The following SLC5A3 variants were observed in gnomAD, a reference collection of about 807,000 sequenced individuals.
SLC5A3 encodes solute carrier family 5 member 3, also known as sodium/myo-inositol cotransporter.
SLC5A3 carries 10 observed loss-of-function variants against 43.2 expected under a neutral mutation model. That is an observed-to-expected ratio of 0.23 (90% CI 0.14 to 0.39). The LOEUF is 0.39. SLC5A3 is among the 10% of genes least tolerant of loss of function. The pLI, the probability that SLC5A3 is intolerant of heterozygous loss-of-function variation, is 1.00. For synonymous variants in SLC5A3, 349 were observed against 322.0 expected (o/e 1.08, Z -0.90); for missense variants, 608 against 893.4 (o/e 0.68, Z 4.07).
intron 1 of SLC5A3, among the ~76,000 whole-genome samples, chr21:34,088,998 A>G (rs1348909837): frequency 6.6e-6 from 1 of 152,086 alleles, no homozygotes; most frequent in Non-Finnish European, 1.5e-5. Context: ...TTAAGATTAC[A>G]TAGTAATAGG....
chr21:34,074,061 C>T (rs1989259154), intron 1 of SLC5A3, among the ~76,000 whole-genome samples: 1 of 145,128 alleles, frequency 6.9e-6, no homozygotes, highest in Admixed American at 6.8e-5. Flanking sequence ...CGGCGCCGGC[C>T]CGCGGGAGTC....
chr21:34,101,376 A>G lies in SLC5A3; in HGVS notation c.*4021A>G, dbSNP rs1325617517. ...ATTATAAAGTACGAAGTTTGTTACC[A>G]CAGTAGAGATAATTTAGTAGAAAAA... On this transcript the variant is annotated 3_prime_UTR_variant, in exon 2 of 2. Transcript: ENST00000381151. 1 of 1,000,068 alleles carries G rather than the reference A, an allele frequency of 1.0e-6. No homozygotes were observed. Among genetic ancestry groups the G allele is most frequent in the African/African-American group, 1.7e-5 (1 of 57,234 alleles). The allele number at this position is 1,000,068 out of a possible 1,614,324, so 61.9% of individuals were successfully genotyped here.
rs1209616997 is a variant in SLC5A3, at chr21:34,097,119, G to A, written c.1921G>A (p.Glu641Lys). ...YSNGQAALMG[E>K]KERKKETDDG... Reference sequence around the variant, plus strand: ...CAATGGGCAAGCAGCTCTCATGGGTGAGAAAGAGAGAAAGAAAGAAACGGA... The same window carrying A: ...CAATGGGCAAGCAGCTCTCATGGGTAAGAAAGAGAGAAAGAAAGAAACGGA... Residue 641 changes from glutamate (E) to lysine (K), a missense_variant, in exon 2 of 2, where the codon GAG (glutamate) becomes AAG (lysine). By Grantham distance (56) the Glu-to-Lys change is moderately conservative. Coordinates refer to ENST00000381151, the MANE Select transcript of SLC5A3 (RefSeq NM_006933.7). 6.2e-7 allele frequency: 1 copy of A among 1,614,004 alleles called. No homozygotes were observed. The highest frequency in any genetic ancestry group is 8.5e-7 in the Non-Finnish European group (1 of 1,179,940).
chr21:34,097,348 C>T lies in SLC5A3; in HGVS notation c.2150C>T (p.Ser717Phe), dbSNP rs1569417271. 2 of 1,598,628 alleles carry T rather than the reference C, an allele frequency of 1.3e-6. No homozygotes were observed. Among genetic ancestry groups the T allele is most frequent in the South Asian group, 1.1e-5 (1 of 88,190 alleles). ...GGAATTTTCATGTTTGTTTATTTCT[C>T]CTTATGAACTTAAGGATATGGTGAG... ...SLGIFMFVYF[S>F]L Residue 717 changes from serine to phenylalanine, a missense_variant, in exon 2 of 2, where the codon TCC (serine) becomes TTC (phenylalanine). This residue lies in a region of SLC5A3 where 210 missense variants were observed against 224.8 expected (regional missense o/e 0.93). Transcript: ENST00000381151.
intron 1 of SLC5A3, among the ~76,000 whole-genome samples, chr21:34,075,777 C>G (rs1023008268): frequency 1.3e-5 from 2 of 152,152 alleles, no homozygotes; most frequent in African/African-American, 2.4e-5. Context: ...ACAAAGACTT[C>G]CAGGTTTTAG....
chr21:34,077,220 A>G (rs1187210652), intron 1 of SLC5A3, among the ~76,000 whole-genome samples: 5 of 152,262 alleles, frequency 3.3e-5, no homozygotes, highest in Admixed American at 1.3e-4. Flanking sequence ...TGAAGTGCCA[A>G]TACATGAATG....
rs1269632166 is a variant in SLC5A3 at position 34,098,763 on chromosome 21, AG to A, written c.*1411del. On this transcript the variant is annotated 3_prime_UTR_variant, in exon 2 of 2. Coordinates refer to ENST00000381151, the MANE Select transcript of SLC5A3 (RefSeq NM_006933.7). ...GCACCCACTTGCAGCTAGTGGGTAC[AG>A]GGTACAAAAGATGTTAGAGAAAAGC... is the stretch of plus-strand genomic sequence containing the variant. 21 of 1,000,300 alleles carry A rather than the reference AG, an allele frequency of 2.1e-5. No homozygotes were observed. Among genetic ancestry groups the A allele is most frequent in the Non-Finnish European group, 2.5e-5 (21 of 830,006 alleles). The allele number at this position is 1,000,300 out of a possible 1,614,324, so 62.0% of individuals were successfully genotyped here.
Position 34,098,155 on chromosome 21 carries a change from G to T in SLC5A3, c.*800G>T. ...CCCCATATTTATTGATCATATTAAG[G>T]TTGTTTATATAGTTTGGAAATGACC... is the stretch of plus-strand genomic sequence containing the variant. On this transcript the variant is annotated 3_prime_UTR_variant, in exon 2 of 2. Coordinates refer to ENST00000381151, the MANE Select transcript of SLC5A3 (RefSeq NM_006933.7). 1 of 1,000,010 alleles carries T rather than the reference G, an allele frequency of 1.0e-6. No individual in the cohort carries two copies. Among genetic ancestry groups the T allele is most frequent in the Non-Finnish European group, 1.2e-6 (1 of 829,928 alleles). 61.9% of individuals were successfully genotyped at this position (1,000,010 alleles called of 1,614,324 possible). A position where few individuals can be genotyped will look rare whatever the true frequency, so the allele number is the denominator to read the frequency against.
Position 34,105,923 on chromosome 21 carries a change from T to G in SLC5A3, c.*8568T>G. 1.0e-6 allele frequency: 1 copy of G among 988,710 alleles called. No individual in the cohort carries two copies. Among genetic ancestry groups the G allele is most frequent in the Non-Finnish European group, 1.2e-6 (1 of 819,448 alleles). The allele number at this position is 988,710 out of a possible 1,614,324, so 61.2% of individuals were successfully genotyped here. A position where few individuals can be genotyped will look rare whatever the true frequency, so the allele number is the denominator to read the frequency against. ...ATTCTAACTTGTCTATTCTAACCTA[T>G]TGTGTACAATCTGATTTTTTAAAAT... On this transcript the variant is annotated 3_prime_UTR_variant, in exon 2 of 2. Transcript: ENST00000381151.
In SLC5A3 at chr21:34,103,590, C is replaced by T. The variant is rs903562383; in HGVS notation, c.*6235C>T. The T allele has an allele frequency of 1.4e-4, 145 of 1,000,046 alleles. No individual in the cohort carries two copies. The highest frequency in any genetic ancestry group is 1.7e-4 in the Non-Finnish European group (142 of 829,926). 61.9% of individuals were successfully genotyped at this position (1,000,046 alleles called of 1,614,324 possible). ...TAGAAAGCACAAAATCGTGTTCACA[C>T]ATTAGTGTACCCACACATAGAAAGC... On this transcript the variant is annotated 3_prime_UTR_variant, in exon 2 of 2. Transcript: ENST00000381151.
At position 34,101,692 on chromosome 21, in the gene SLC5A3, G is replaced by A. The variant is rs964142913; in HGVS notation, c.*4337G>A. The A allele has an allele frequency of 2.3e-5, 23 of 999,832 alleles. No individual in the cohort carries two copies. The East Asian group carries it at 2.6e-3, about 113-fold the overall frequency. The allele number at this position is 999,832 out of a possible 1,614,324, so 61.9% of individuals were successfully genotyped here. A position where few individuals can be genotyped will look rare whatever the true frequency, so the allele number is the denominator to read the frequency against. Reference sequence around the variant, plus strand: ...TATTGGCATGGTGTGTGAAAGTGATGTTTTGCCCCAGTATTGAGGACTTTT... The same window carrying A: ...TATTGGCATGGTGTGTGAAAGTGATATTTTGCCCCAGTATTGAGGACTTTT... On this transcript the variant is annotated 3_prime_UTR_variant, in exon 2 of 2. Coordinates refer to ENST00000381151, the MANE Select transcript of SLC5A3 (RefSeq NM_006933.7).
Position 34,095,522 on chromosome 21 carries a change from C to G in SLC5A3, c.324C>G (p.Thr108=), listed in dbSNP as rs746867702. 1 of 1,613,822 alleles carries G rather than the reference C, an allele frequency of 6.2e-7. No homozygotes were observed. ...IPIYIRSGVY[T]MPEYLSKRFG... ...TTTACATCCGGTCAGGGGTATATAC[C>G]ATGCCTGAATACTTGTCCAAGCGAT... Residue 108 remains threonine, a synonymous_variant, in exon 2 of 2, where the codon ACC becomes ACG. Coordinates refer to ENST00000381151, the MANE Select transcript of SLC5A3 (RefSeq NM_006933.7).
Position 34,097,403 on chromosome 21 carries a change from T to C in SLC5A3, c.*48T>C, listed in dbSNP as rs745781668. 59 of 1,368,574 alleles carry C rather than the reference T, an allele frequency of 4.3e-5. No individual in the cohort carries two copies. The highest frequency in any genetic ancestry group is 5.4e-5 in the Non-Finnish European group (58 of 1,069,148). The allele number at this position is 1,368,574 out of a possible 1,614,324, so 84.8% of individuals were successfully genotyped here. A position where few individuals can be genotyped will look rare whatever the true frequency, so the allele number is the denominator to read the frequency against. Reference sequence around the variant, plus strand: ...TAACTTAAGACAATACTGACTGGTCTTTGGGGAAAAAAGTTATGTAACTGT... The same window carrying C: ...TAACTTAAGACAATACTGACTGGTCCTTGGGGAAAAAAGTTATGTAACTGT... On this transcript the variant is annotated 3_prime_UTR_variant, in exon 2 of 2. Transcript: ENST00000381151.
chr21:34,092,358 G>GA (rs1467522839), intron 1 of SLC5A3, among the ~76,000 whole-genome samples: 1 of 262 alleles, frequency 3.8e-3, no homozygotes, highest in East Asian at 0.12. Flanking sequence ...GTTTAAGTTG[G>GA]AAAAATCTAG....
chr21:34,088,415 T>C (rs1263301707), intron 1 of SLC5A3, among the ~76,000 whole-genome samples: 1 of 152,214 alleles, frequency 6.6e-6, no homozygotes, highest in East Asian at 1.9e-4. Context: ...CTTTTTACTT[T>C]TAATCTCTGC....
In SLC5A3 at chr21:34,100,506, C is replaced by A; in HGVS notation, c.*3151C>A. On this transcript the variant is annotated 3_prime_UTR_variant, in exon 2 of 2. Transcript: ENST00000381151. ...GTCCTTCGGCCTAAATTCAATAGAT[C>A]TCATCTCCTAGGGCTTCCTTTTCAC... is the stretch of plus-strand genomic sequence containing the variant. 1.0e-6 allele frequency: 1 copy of A among 1,000,236 alleles called. No individual in the cohort carries two copies. Among genetic ancestry groups the A allele is most frequent in the Non-Finnish European group, 1.2e-6 (1 of 829,976 alleles). 62.0% of individuals were successfully genotyped at this position (1,000,236 alleles called of 1,614,324 possible). A position where few individuals can be genotyped will look rare whatever the true frequency, so the allele number is the denominator to read the frequency against.
intron 1 of SLC5A3, among the ~76,000 whole-genome samples, chr21:34,084,862 C>A (rs773696430): frequency 2.0e-4 from 30 of 152,130 alleles, no homozygotes; most frequent in Non-Finnish European, 4.4e-4. Context: ...AAGAGCAGTT[C>A]ATTTAACACT....
rs1355197506 is a variant in SLC5A3, at chr21:34,095,000, A to T, written c.-199A>T. The stretch of plus-strand genomic sequence containing the variant: ...CTCAATCCCAATTAAGAAGCGGAAA[A>T]TTTAAACTGTCTTCTTCAAAGTTTA... On this transcript the variant is annotated 5_prime_UTR_variant, in exon 2 of 2. Transcript: ENST00000381151. 1.6e-6 allele frequency: 1 copy of T among 621,746 alleles called. No individual in the cohort carries two copies. The highest frequency in any genetic ancestry group is 2.6e-6 in the Non-Finnish European group (1 of 381,312). The allele number at this position is 621,746 out of a possible 1,614,324, so 38.5% of individuals were successfully genotyped here.
Position 34,097,858 on chromosome 21 carries a change from A to G in SLC5A3, c.*503A>G, listed in dbSNP as rs915075622. The stretch of plus-strand genomic sequence containing the variant: ...GTGCTTGTGTGATACTTGTTTCAGG[A>G]CAAGTTCATTTGCCAGGTTCATTTT... On this transcript the variant is annotated 3_prime_UTR_variant, in exon 2 of 2. Transcript: ENST00000381151. 5.0e-6 allele frequency: 5 copies of G among 997,010 alleles called. No homozygotes were observed. The highest frequency in any genetic ancestry group is 3.5e-5 in the African/African-American group (2 of 57,176). The allele number at this position is 997,010 out of a possible 1,614,324, so 61.8% of individuals were successfully genotyped here.
Sources: gnomAD v4.1 joint callset for allele counts (sites outside exome capture counted in the v4.1 genomes callset) on GRCh38, gnomAD v4.1.1 for gene constraint, gnomAD v4.1.1 regional missense constraint, MANE v1.5 for transcripts, NCBI Gene and HGNC (gene_info 2026-07-23, HGNC 2026-07-21) for gene names.